Variants in ITGA4 observed in about 807,000 individuals in gnomAD.
ITGA4 encodes the protein integrin subunit alpha 4.
In ITGA4, 63 loss-of-function variants were observed where a neutral mutation model predicts 133.6. The ratio of observed to expected loss-of-function variants is 0.47; its 90% CI spans 0.38 to 0.58. The LOEUF (loss-of-function observed/expected upper bound fraction) is 0.58. ITGA4 is among the 20% of genes least tolerant of loss of function. The pLI is 0.00. For missense variants in ITGA4, 1,076 were observed against 1,252.7 expected (o/e 0.86, Z 2.13); for synonymous variants, 483 against 438.0 (o/e 1.10, Z -1.28).
At chr2:181,518,337 T>C (rs1423416723) in intron 17 of ITGA4, among the ~76,000 whole-genome samples, 1 of 152,098 alleles carries the variant, frequency 6.6e-6, no homozygotes, top group East Asian at 1.9e-4. Flanking sequence ...ATGATGCATG[T>C]GGAAGTAGCA....
intron 25 of ITGA4, among the ~76,000 whole-genome samples, chr2:181,533,258 G>A: frequency 6.6e-6 from 1 of 152,168 alleles, no homozygotes; most frequent in South Asian, 2.1e-4. Context: ...AATGGCAGCT[G>A]TTATGTTCAA....
intron 22 of ITGA4, among the ~76,000 whole-genome samples, chr2:181,527,984 A>G (rs1686869146): frequency 6.6e-6 from 1 of 152,218 alleles, no homozygotes; most frequent in Non-Finnish European, 1.5e-5. Context: ...TGTCAAACTG[A>G]TATTTTTATT....
intron 9 of ITGA4, among the ~76,000 whole-genome samples, chr2:181,484,574 A>G (rs1420106248): frequency 6.6e-6 from 1 of 152,170 alleles, no homozygotes. Context: ...CAGTGATTAT[A>G]TTTATAAAGA....
chr2:181,499,885 A>G (rs1686234148), intron 15 of ITGA4, among the ~76,000 whole-genome samples: 1 of 152,236 alleles, frequency 6.6e-6, no homozygotes, highest in Non-Finnish European at 1.5e-5. Context: ...TCACAAAGAA[A>G]TACATTGTGT....
chr2:181,529,884 C>G (rs1686908796), intron 23 of ITGA4, among the ~76,000 whole-genome samples: 1 of 152,152 alleles, frequency 6.6e-6, no homozygotes, highest in Non-Finnish European at 1.5e-5. Context: ...AATAACAGAA[C>G]TATATTCTAC....
intron 11 of ITGA4, 37 bp from the exon 12 acceptor site, chr2:181,494,685 C>A: frequency 9.0e-7 from 1 of 1,113,616 alleles, no homozygotes; most frequent in Non-Finnish European, 1.4e-6. Flanking sequence ...TATTAGTATT[C>A]AAAAACTACT....
chr2:181,504,075 G>T (rs1037981417), intron 15 of ITGA4, among the ~76,000 whole-genome samples: 4 of 152,132 alleles, frequency 2.6e-5, no homozygotes, highest in Admixed American at 2.6e-4. Context: ...GAGAAGAAGG[G>T]TGCTACATTG....
Position 181,524,156 on chromosome 2 carries a change from G to A in ITGA4, c.2170-15G>A, listed in dbSNP as rs374021601. Reference sequence around the variant, plus strand: ...AGATTTTTTTTAATGGGCTTTCCTGGTCTGTGTTTTACAGATAGATATTAG... The same window carrying A: ...AGATTTTTTTTAATGGGCTTTCCTGATCTGTGTTTTACAGATAGATATTAG... On this transcript the variant is annotated splice_polypyrimidine_tract_variant and intron_variant, in intron 19 of 27. Coordinates refer to ENST00000397033, the MANE Select transcript of ITGA4 (RefSeq NM_000885.6). 63 of 1,555,004 alleles carry A rather than the reference G, an allele frequency of 4.1e-5. No homozygotes were observed. The highest frequency in any genetic ancestry group is 5.4e-5 in the Non-Finnish European group (62 of 1,144,880).
chr2:181,477,545 C>T (rs1290565170), intron 4 of ITGA4, among the ~76,000 whole-genome samples: 2 of 152,088 alleles, frequency 1.3e-5, no homozygotes, highest in African/African-American at 2.4e-5. Context: ...GACCAAATGG[C>T]TTTCTTTCCA....
chr2:181,481,462 T>C (rs911919072), intron 6 of ITGA4, 136 bp from the exon 7 acceptor site: 3 of 373,160 alleles, frequency 8.0e-6, no homozygotes, highest in Admixed American at 4.2e-5. Flanking sequence ...TTTGAGTATC[T>C]CTATGCTAAA....
At chr2:181,497,796 A>T (rs1175098222) in intron 14 of ITGA4, among the ~76,000 whole-genome samples, 1 of 152,132 alleles carries the variant, frequency 6.6e-6, no homozygotes, top group East Asian at 1.9e-4. Flanking sequence ...ATGGCAAAGA[A>T]CTCATTTAGA....
chr2:181,468,283 A>T (rs959656390), intron 2 of ITGA4, among the ~76,000 whole-genome samples: 1 of 152,180 alleles, frequency 6.6e-6, no homozygotes, highest in Non-Finnish European at 1.5e-5. Flanking sequence ...GAAGAAAATA[A>T]TATTTTGGAA....
chr2:181,514,574 C>T (rs1686570228), intron 17 of ITGA4, among the ~76,000 whole-genome samples: 1 of 151,984 alleles, frequency 6.6e-6, no homozygotes, highest in Non-Finnish European at 1.5e-5. Context: ...ATAATCTTCC[C>T]ATTTCTGTAT....
chr2:181,460,911 C>T (rs988891079), intron 2 of ITGA4, among the ~76,000 whole-genome samples: 3 of 151,924 alleles, frequency 2.0e-5, no homozygotes, highest in East Asian at 1.9e-4. Flanking sequence ...GATTAAAGAT[C>T]GATCTGTGAT....
At chr2:181,528,162 T>C (rs1686872001) in intron 22 of ITGA4, among the ~76,000 whole-genome samples, 1 of 152,256 alleles carries the variant, frequency 6.6e-6, no homozygotes, top group Non-Finnish European at 1.5e-5. Flanking sequence ...TTAGAATCAC[T>C]TGGGGTACCT....
At chr2:181,509,599 AT>A (rs888187135) in intron 15 of ITGA4, 58 bp from the exon 16 acceptor site, 1,192 of 1,357,922 alleles carry the variant, frequency 8.8e-4, no homozygotes, top group South Asian at 2.3e-3. Context: ...AAGGAGTTTT[AT>A]TTTTTTTTAA....
rs1405300687 is a variant in ITGA4 at position 181,498,661 on chromosome 2, G to T, written c.1579G>T (p.Ala527Ser). The T allele has an allele frequency of 6.2e-7, 1 of 1,611,006 alleles. No homozygotes were observed. Among genetic ancestry groups the T allele is most frequent in the Admixed American group, 1.7e-5 (1 of 59,894 alleles). The change falls in exon 15 of 28, where the codon GCA becomes TCA. Residue 527 changes from alanine (A) to serine (S), a missense_variant. Coordinates refer to ENST00000397033, the MANE Select transcript of ITGA4 (RefSeq NM_000885.6). ...CATGAGTTTGGATGTGAACAGAAAG[G>T]CAGAGTCTCCACCAAGATTCTATTT... Reference protein sequence around the residue: ...YNMSLDVNRKAESPPRFYFSS... With the variant: ...YNMSLDVNRKSESPPRFYFSS...
chr2:181,475,571 G>C (rs1220768285), intron 4 of ITGA4, among the ~76,000 whole-genome samples: 1 of 152,148 alleles, frequency 6.6e-6, no homozygotes, highest in Non-Finnish European at 1.5e-5. Flanking sequence ...GTATAGGTGA[G>C]ACTAGTACCC....
intron 9 of ITGA4, 43 bp downstream of exon 9, chr2:181,482,694 G>T: frequency 6.3e-7 from 1 of 1,583,340 alleles, no homozygotes; most frequent in South Asian, 1.1e-5. Flanking sequence ...ATGGAATTAT[G>T]ATCAAAACTC....
Sources: gnomAD v4.1 joint callset for allele counts (sites outside exome capture counted in the v4.1 genomes callset) on GRCh38, gnomAD v4.1.1 for gene constraint, MANE v1.5 for transcripts, NCBI Gene and HGNC (gene_info 2026-07-23, HGNC 2026-07-21) for gene names.